Variants in PLEKHG4B observed in about 807,000 individuals in gnomAD.
The protein encoded by PLEKHG4B is pleckstrin homology domain-containing family G member 4B.
Under a neutral mutation model 121.3 loss-of-function variants are expected in PLEKHG4B, and 111 were observed. The ratio of observed to expected loss-of-function variants is 0.92; its 90% CI spans 0.78 to 1.07. PLEKHG4B has a LOEUF of 1.07. PLEKHG4B is among the 50% of genes least tolerant of loss of function. PLEKHG4B has a pLI of 0.00. For synonymous variants in PLEKHG4B, 738 were observed against 725.0 expected (o/e 1.02, Z -0.29); for missense variants, 1,831 against 1,757.8 (o/e 1.04, Z -0.74).
chr5:144,773 C>T (rs1373167323), intron 5 of PLEKHG4B, 54 bp from the exon 6 acceptor site: 5 of 1,500,922 alleles, frequency 3.3e-6, no homozygotes, highest in African/African-American at 2.8e-5. Flanking sequence ...GAAACTCGTT[C>T]TTGTAAGAGA....
At position 164,083 on chromosome 5, in the gene PLEKHG4B, G is replaced by A. The variant is rs369346642; in HGVS notation, c.3476+535G>A. ...GTCTGAACCTCCATCTTCCACCCAT[G>A]TGGTACTGGTCGTGAGGGCTAGAGG... On this transcript the variant is annotated intron_variant, in intron 13 of 19. Transcript: ENST00000637938. 8.5e-5 allele frequency among the ~76,000 whole-genome samples: 13 copies of A among 152,380 alleles called. No individual in the cohort carries two copies. The East Asian group carries it at 2.5e-3, about 29-fold the overall frequency.
In PLEKHG4B at chr5:155,372, G is replaced by A. The variant is rs1367876281; in HGVS notation, c.2137G>A (p.Glu713Lys). ...QRLEHFAANC[E>K]EAIIFLQNSF... ...GCTGGAACACTTCGCTGCAAACTGT[G>A]AAGAAGCCATCATTTTCCTACAGAA... The change falls in exon 9 of 20, where the codon GAA becomes AAA. Residue 713 changes from glutamate (E) to lysine (K), a missense_variant. Transcript: ENST00000637938. 6.2e-7 allele frequency: 1 copy of A among 1,614,192 alleles called. No homozygotes were observed. Among genetic ancestry groups the A allele is most frequent in the East Asian group, 2.2e-5 (1 of 44,886 alleles).
At chr5:178,098 G>C (rs1364393906) in intron 18 of PLEKHG4B, among the ~76,000 whole-genome samples, 2 of 152,234 alleles carry the variant, frequency 1.3e-5, no homozygotes, top group Admixed American at 6.5e-5. Context: ...CCCCATCTGA[G>C]GCTTTCTTCC....
intron 14 of PLEKHG4B, 21 bp from the exon 15 acceptor site, chr5:171,022 C>G (rs1361795871): frequency 6.3e-7 from 1 of 1,595,786 alleles, no homozygotes; most frequent in Non-Finnish European, 8.6e-7. Context: ...CACAGCCAAG[C>G]AGTCGCCTCT....
intron 11 of PLEKHG4B, among the ~76,000 whole-genome samples, chr5:161,567 T>A (rs1736000632): frequency 6.6e-6 from 1 of 152,186 alleles, no homozygotes. Flanking sequence ...ATATAAAATG[T>A]TCTTCCCCTG....
At chr5:161,540 C>A (rs1458695348) in intron 11 of PLEKHG4B, among the ~76,000 whole-genome samples, 2 of 152,198 alleles carry the variant, frequency 1.3e-5, no homozygotes, top group East Asian at 1.9e-4. Context: ...TAGAGTGTGA[C>A]TTCTTCGCAT....
intron 11 of PLEKHG4B, among the ~76,000 whole-genome samples, chr5:158,498 C>G (rs1454683419): frequency 7.2e-6 from 1 of 139,100 alleles, no homozygotes; most frequent in Non-Finnish European, 1.6e-5. Context: ...TTCTGGGGGT[C>G]TCCCCTATCT....
intron 18 of PLEKHG4B, among the ~76,000 whole-genome samples, chr5:180,029 C>T (rs890782514): frequency 6.6e-6 from 1 of 152,194 alleles, no homozygotes; most frequent in Non-Finnish European, 1.5e-5. Context: ...TCTGAGACGT[C>T]CAAACCTTTA....
At chr5:112,771 G>A (rs915440859) in intron 1 of PLEKHG4B, among the ~76,000 whole-genome samples, 7 of 152,158 alleles carry the variant, frequency 4.6e-5, no homozygotes, top group Non-Finnish European at 5.9e-5. Flanking sequence ...AAAGTGGCGC[G>A]TGGGCCAGCT....
rs918898458 is a variant in PLEKHG4B at position 189,807 on chromosome 5, C to T, written c.*7484C>T. The T allele has an allele frequency of 4.6e-5, 7 of 152,236 alleles. No individual in the cohort carries two copies. The highest frequency in any genetic ancestry group is 3.9e-4 in the Admixed American group (6 of 15,288). The allele number at this position is 152,236 out of a possible 1,614,324, so 9.4% of individuals were successfully genotyped here. ...CCCGCAGTGACAGCAGGGTGTTGGGCCACACAGAGCCCGAGTAGGTAAAGG... is the reference window on the plus strand; with the variant it reads ...CCCGCAGTGACAGCAGGGTGTTGGGTCACACAGAGCCCGAGTAGGTAAAGG... On this transcript the variant is annotated 3_prime_UTR_variant, in exon 20 of 20. Coordinates refer to ENST00000637938, the MANE Select transcript of PLEKHG4B (RefSeq NM_052909.5).
intron 16 of PLEKHG4B, among the ~76,000 whole-genome samples, chr5:172,172 T>C (rs975516661): frequency 6.6e-6 from 1 of 152,224 alleles, no homozygotes; most frequent in Non-Finnish European, 1.5e-5. Flanking sequence ...GGGCTGCTTC[T>C]AGGAAGTGGT....
chr5:169,365 G>A lies in PLEKHG4B; in HGVS notation c.3502G>A (p.Glu1168Lys), dbSNP rs770404592. The change falls in exon 14 of 20, where the codon GAG becomes AAG. Residue 1168 changes from glutamate (E) to lysine (K), a missense_variant. Glu to Lys is a moderately conservative substitution (Grantham distance 56). Coordinates refer to ENST00000637938, the MANE Select transcript of PLEKHG4B (RefSeq NM_052909.5). ...GSSRLRHIMAEMIATEREYIR... is the reference protein window; with the variant it reads ...GSSRLRHIMAKMIATEREYIR... ...CAGCCGACTGAGGCACATCATGGCC[G>A]AGATGATCGCCACAGAGAGGGAGTA... is the stretch of plus-strand genomic sequence containing the variant. 42 of 1,613,994 alleles carry A rather than the reference G, an allele frequency of 2.6e-5. No individual in the cohort carries two copies. In the Middle Eastern group the frequency reaches 4.9e-4, roughly 19 times the overall value.
intron 1 of PLEKHG4B, among the ~76,000 whole-genome samples, chr5:106,725 C>T (rs903442920): frequency 2.0e-5 from 3 of 152,188 alleles, no homozygotes; most frequent in Non-Finnish European, 2.9e-5. Flanking sequence ...ACGTGAGAGC[C>T]GGAGCCCAGG....
At position 188,604 on chromosome 5, in the gene PLEKHG4B, T is replaced by C. The variant is rs17559144; in HGVS notation, c.*6281T>C. ...GTAGCTGCTACGAGACAGACGCTCT[T>C]GTTCCGGATCAGAGCAGCAGACAGA... On this transcript the variant is annotated 3_prime_UTR_variant, in exon 20 of 20. Coordinates refer to ENST00000637938, the MANE Select transcript of PLEKHG4B (RefSeq NM_052909.5). The C allele has an allele frequency of 0.47, 70,957 of 152,252 alleles. 17,676 individuals are homozygous for C. Among genetic ancestry groups the C allele is most frequent in the Non-Finnish European group, 0.57 (38,785 of 68,034 alleles). The allele number at this position is 152,252 out of a possible 1,614,324, so 9.4% of individuals were successfully genotyped here.
At chr5:168,524 C>T (rs1222459729) in intron 13 of PLEKHG4B, among the ~76,000 whole-genome samples, 1 of 152,188 alleles carries the variant, frequency 6.6e-6, no homozygotes, top group African/African-American at 2.4e-5. Context: ...ACGAAATTTC[C>T]ACCACAGCCT....
At chr5:146,041 G>A (rs1402421297) in intron 6 of PLEKHG4B, among the ~76,000 whole-genome samples, 2 of 151,358 alleles carry the variant, frequency 1.3e-5, no homozygotes, top group African/African-American at 4.9e-5. Flanking sequence ...CCCTTCCATG[G>A]TCCTCCCTCC....
intron 2 of PLEKHG4B, among the ~76,000 whole-genome samples, chr5:121,949 A>G (rs995007943): frequency 2.6e-5 from 4 of 152,084 alleles, no homozygotes; most frequent in African/African-American, 9.7e-5. Flanking sequence ...TTAAAAGATT[A>G]TTAACTACTT....
chr5:148,818 C>G (rs932379184), intron 6 of PLEKHG4B, among the ~76,000 whole-genome samples: 1 of 152,024 alleles, frequency 6.6e-6, no homozygotes, highest in Non-Finnish European at 1.5e-5. Flanking sequence ...TTCCTGATTT[C>G]AAAACTTAAC....
chr5:97,295 A>G (rs934827063), intron 1 of PLEKHG4B, among the ~76,000 whole-genome samples: 1 of 151,742 alleles, frequency 6.6e-6, no homozygotes, highest in Admixed American at 6.6e-5. Flanking sequence ...CAGGCTCCAG[A>G]TCGTTTTCCT....
Sources: gnomAD v4.1 joint callset for allele counts (sites outside exome capture counted in the v4.1 genomes callset) on GRCh38, gnomAD v4.1.1 for gene constraint, MANE v1.5 for transcripts, NCBI Gene and HGNC (gene_info 2026-07-23, HGNC 2026-07-21) for gene names.